TRPM3: variants seen among roughly 807,000 people sequenced by gnomAD.
TRPM3 encodes long transient receptor potential channel 3.
Under a neutral mutation model 181.2 loss-of-function variants are expected in TRPM3, and 77 were observed. The observed-to-expected ratio is 0.42, with a 90% CI of 0.35 to 0.51. The LOEUF (loss-of-function observed/expected upper bound fraction) is 0.51. Ranked by LOEUF, TRPM3 falls within the 20% of genes least tolerant of loss-of-function variation. TRPM3 has a pLI of 0.01. For synonymous variants in TRPM3, 745 were observed against 796.4 expected (o/e 0.94, Z 1.09); for missense variants, 1,759 against 2,196.7 (o/e 0.80, Z 3.98).
chr9:70,638,424 T>C (rs544059471), intron 11 of TRPM3, among the ~76,000 whole-genome samples: 7 of 152,270 alleles, frequency 4.6e-5, no homozygotes, highest in African/African-American at 1.7e-4. Context: ...TTCACTGGAT[T>C]TTAGTATGAG....
chr9:70,759,331 C>G (rs1360718024), intron 8 of TRPM3, among the ~76,000 whole-genome samples: 3 of 152,160 alleles, frequency 2.0e-5, no homozygotes, highest in Non-Finnish European at 4.4e-5. Flanking sequence ...AGTCAGGAAA[C>G]AACAGATGCT....
At chr9:70,914,791 C>A (rs1451450735) in intron 1 of TRPM3, among the ~76,000 whole-genome samples, 1 of 152,182 alleles carries the variant, frequency 6.6e-6, no homozygotes, top group Admixed American at 6.5e-5. Context: ...GGGAAGAGAA[C>A]AAGTGTCTCT....
At chr9:70,597,402 G>A (rs541038996) in intron 21 of TRPM3, among the ~76,000 whole-genome samples, 5 of 152,320 alleles carry the variant, frequency 3.3e-5, no homozygotes, top group East Asian at 1.9e-4. Context: ...AGAGGTGTTC[G>A]TCATGGTAGG....
At chr9:70,960,839 C>T (rs1444913344) in intron 1 of TRPM3, among the ~76,000 whole-genome samples, 2 of 152,134 alleles carry the variant, frequency 1.3e-5, no homozygotes, top group Admixed American at 1.3e-4. Context: ...CTGCCTTTCA[C>T]TCTGTGCTGT....
At position 70,998,224 on chromosome 9, in the gene TRPM3, C is replaced by A. The variant is rs12115503; in HGVS notation, c.177+122954G>T. Among the ~76,000 whole-genome samples, 12 of 128,578 alleles carry A rather than the reference C, an allele frequency of 9.3e-5. No homozygotes were observed. In the South Asian group the frequency reaches 3.2e-3, roughly 34 times the overall value. The allele number at this position is 128,578 out of a possible 152,430, so 84.4% of individuals were successfully genotyped here. ...ATACATATATATACACATATATATACATATACACACACACACACACACACA... is the reference window on the plus strand; with the variant it reads ...ATACATATATATACACATATATATAAATATACACACACACACACACACACA... On this transcript the variant is annotated intron_variant, in intron 1 of 25. Coordinates refer to ENST00000677713, the MANE Select transcript of TRPM3 (RefSeq NM_001366145.2).
intron 1 of TRPM3, among the ~76,000 whole-genome samples, chr9:71,358,858 C>T (rs2092018899): frequency 6.6e-6 from 1 of 152,134 alleles, no homozygotes; most frequent in Non-Finnish European, 1.5e-5. Flanking sequence ...TGCATAGGTG[C>T]TATTATTACC....
chr9:70,901,687 G>C (rs984275451), intron 1 of TRPM3, among the ~76,000 whole-genome samples: 1 of 152,152 alleles, frequency 6.6e-6, no homozygotes, highest in African/African-American at 2.4e-5. Context: ...GTGGAGATGT[G>C]AAAGATCAAT....
At chr9:71,417,254 C>T (rs2093650313) in intron 1 of TRPM3, among the ~76,000 whole-genome samples, 1 of 151,938 alleles carries the variant, frequency 6.6e-6, no homozygotes, top group Admixed American at 6.6e-5. Context: ...TTTATATTCT[C>T]ATTAATAACA....
chr9:71,206,001 G>A (rs910722935), intron 1 of TRPM3, among the ~76,000 whole-genome samples: 1 of 152,176 alleles, frequency 6.6e-6, no homozygotes, highest in Non-Finnish European at 1.5e-5. Context: ...GTTTTAAGAT[G>A]AGAAATATTA....
intron 1 of TRPM3, among the ~76,000 whole-genome samples, chr9:71,091,064 T>C (rs1056945102): frequency 4.6e-5 from 7 of 152,116 alleles, no homozygotes; most frequent in Admixed American, 3.9e-4. Flanking sequence ...TTGTACTTAA[T>C]GTTGCTGGGG....
At chr9:71,418,745 T>C (rs982668960) in intron 1 of TRPM3, among the ~76,000 whole-genome samples, 1 of 148,606 alleles carries the variant, frequency 6.7e-6, no homozygotes, top group Non-Finnish European at 1.5e-5. Context: ...TATATATATA[T>C]ATCCTTTGAG....
chr9:71,223,165 C>T (rs1215508562), intron 1 of TRPM3, among the ~76,000 whole-genome samples: 1 of 152,132 alleles, frequency 6.6e-6, no homozygotes, highest in Admixed American at 6.5e-5. Context: ...AGTCCCCTTC[C>T]TTCCTCTTGA....
intron 1 of TRPM3, among the ~76,000 whole-genome samples, chr9:70,977,068 G>C (rs990180178): frequency 2.0e-5 from 3 of 152,216 alleles, no homozygotes; most frequent in African/African-American, 7.2e-5. Context: ...GTGATACAAA[G>C]ACTATAAACT....
intron 1 of TRPM3, chr9:70,917,562 A>ATTTTTTTTTTTTTTTTTTTTTTTTT: frequency 9.8e-6 from 6 of 612,820 alleles, no homozygotes; most frequent in African/African-American, 1.9e-5. Flanking sequence ...AACAGTGTTA[A>ATTTTTTTTTTTTTTTTTTTTTTTTT]GTTGTTATAT....
At chr9:71,229,182 A>G (rs1365545096) in intron 1 of TRPM3, among the ~76,000 whole-genome samples, 2 of 152,194 alleles carry the variant, frequency 1.3e-5, no homozygotes, top group Non-Finnish European at 2.9e-5. Flanking sequence ...GAGTGAACTC[A>G]TTTTTGACAA....
chr9:71,292,634 T>G (rs2132275256), intron 1 of TRPM3, among the ~76,000 whole-genome samples: 1 of 152,054 alleles, frequency 6.6e-6, no homozygotes, highest in Non-Finnish European at 1.5e-5. Context: ...ATAATGTTTT[T>G]TAAAAAAATA....
At chr9:71,257,489 T>A (rs1405167066) in intron 1 of TRPM3, among the ~76,000 whole-genome samples, 4 of 152,310 alleles carry the variant, frequency 2.6e-5, no homozygotes, top group South Asian at 4.1e-4. Flanking sequence ...ATGTACCCAA[T>A]GACTGGTCAG....
At chr9:71,196,167 A>ATGTGTG (rs71507026) in intron 1 of TRPM3, among the ~76,000 whole-genome samples, 2,532 of 149,424 alleles carry the variant, frequency 0.017, 83 homozygotes, top group African/African-American at 0.059. Flanking sequence ...ACACACGTAT[A>ATGTGTG]TGTGTGTGTG....
chr9:71,217,133 G>A (rs1321082494), intron 1 of TRPM3, among the ~76,000 whole-genome samples: 3 of 151,002 alleles, frequency 2.0e-5, no homozygotes, highest in African/African-American at 7.3e-5. Flanking sequence ...TGTATTTTTA[G>A]TAGAGACGGG....
Sources: gnomAD v4.1 joint callset for allele counts (sites outside exome capture counted in the v4.1 genomes callset) on GRCh38, gnomAD v4.1.1 for gene constraint, MANE v1.5 for transcripts, NCBI Gene and HGNC (gene_info 2026-07-23, HGNC 2026-07-21) for gene names.